Variants in GLIS3 observed in about 807,000 individuals in gnomAD.
GLIS3 encodes the protein GLIS family zinc finger 3.
Under a neutral mutation model 78.6 loss-of-function variants are expected in GLIS3, and 53 were observed. The ratio of observed to expected loss-of-function variants is 0.67; its 90% CI spans 0.54 to 0.85. The LOEUF is 0.85. Among genes scored for constraint, GLIS3 ranks in the 40% least tolerant of loss-of-function variants. GLIS3 has a pLI of 0.00. For missense variants in GLIS3, 1,703 were observed against 1,231.1 expected, an observed-to-expected ratio of 1.38 and a Z score of -5.74; for synonymous variants, 684 against 509.9, an observed-to-expected ratio of 1.34 and a Z score of -4.60.
chr9:4,247,759 CTAAAT>C (rs141271425), intron 2 of GLIS3, among the ~76,000 whole-genome samples: 4,108 of 152,196 alleles, frequency 0.027, 174 homozygotes, highest in African/African-American at 0.094. Flanking sequence ...AACCGAAAAA[CTAAAT>C]TAAGAGAAGT....
At chr9:4,281,810 G>A (rs922724542) in intron 2 of GLIS3, among the ~76,000 whole-genome samples, 39 of 152,182 alleles carry the variant, frequency 2.6e-4, no homozygotes, top group Non-Finnish European at 2.4e-4. Context: ...GCAACTTACT[G>A]TTAAAACTGT....
the GLIS3 span, among the ~76,000 whole-genome samples, chr9:4,476,975 T>C: frequency 4.6e-5 from 7 of 152,114 alleles, no homozygotes; most frequent in Non-Finnish European, 8.8e-5. Context: ...GGATGTAAGA[T>C]GGTACACCTG....
intron 2 of GLIS3, among the ~76,000 whole-genome samples, chr9:4,320,027 G>GCA (rs1563931558): frequency 3.5e-5 from 2 of 57,132 alleles, no homozygotes; most frequent in Non-Finnish European, 1.1e-4. Context: ...GTGTGTGTGC[G>GCA]CGCGCACAAG....
chr9:4,337,293 A>C lies in GLIS3; in HGVS notation n.264+9788T>G, dbSNP rs1329329170. On this transcript the variant is annotated intron_variant and non_coding_transcript_variant, in intron 2 of 4. Transcript: ENST00000471664. ...TCACCAAAGTGTTAATTATTGTAAC[A>C]AAGCTGGAAATAACATAAATGTCTA... 2.6e-5 allele frequency among the ~76,000 whole-genome samples: 4 copies of C among 152,272 alleles called. No individual in the cohort carries two copies. In the East Asian group the frequency reaches 7.7e-4, roughly 29 times the overall value.
intron 4 of GLIS3, among the ~76,000 whole-genome samples, chr9:3,957,838 C>T (rs192387796): frequency 9.2e-5 from 14 of 152,196 alleles, no homozygotes; most frequent in East Asian, 5.8e-4. Flanking sequence ...AGACAAACAC[C>T]GTAGATATTG....
At chr9:3,864,509 C>T (rs1242537517) in intron 8 of GLIS3, among the ~76,000 whole-genome samples, 1 of 152,208 alleles carries the variant, frequency 6.6e-6, no homozygotes, top group African/African-American at 2.4e-5. Context: ...TGAGAACCAA[C>T]TTTAAACGCA....
At chr9:3,860,785 A>G (rs1425102506) in intron 8 of GLIS3, among the ~76,000 whole-genome samples, 3 of 152,216 alleles carry the variant, frequency 2.0e-5, no homozygotes, top group Admixed American at 6.5e-5. Context: ...TCTAAAGTCC[A>G]TGGTGACATT....
chr9:4,053,431 T>C (rs1385282838), intron 4 of GLIS3, among the ~76,000 whole-genome samples: 3 of 152,062 alleles, frequency 2.0e-5, no homozygotes, highest in Non-Finnish European at 2.9e-5. Context: ...ATTGTTTCAA[T>C]CTCTTCACAG....
chr9:3,882,693 T>A (rs1821813933), intron 7 of GLIS3, among the ~76,000 whole-genome samples: 1 of 152,126 alleles, frequency 6.6e-6, no homozygotes, highest in African/African-American at 2.4e-5. Context: ...ATGCTATGGC[T>A]GGTGAAGGGG....
chr9:4,094,248 C>A (rs1829764588), intron 4 of GLIS3, among the ~76,000 whole-genome samples: 1 of 152,156 alleles, frequency 6.6e-6, no homozygotes, highest in African/African-American at 2.4e-5. Flanking sequence ...TCTTACCTAC[C>A]AGATTAGTAA....
At chr9:4,136,296 C>A (rs1304233491) in intron 2 of GLIS3, among the ~76,000 whole-genome samples, 1 of 152,156 alleles carries the variant, frequency 6.6e-6, no homozygotes, top group African/African-American at 2.4e-5. Context: ...AGGAGGAGGG[C>A]AATCCCTTTG....
chr9:4,299,239 C>T (rs1173720190), intron 1 of GLIS3, among the ~76,000 whole-genome samples, 182 bp downstream of exon 1: 2 of 152,190 alleles, frequency 1.3e-5, no homozygotes, highest in Non-Finnish European at 2.9e-5. Flanking sequence ...TCTCAGTGAC[C>T]TGTGACGCCG....
intron 2 of GLIS3, among the ~76,000 whole-genome samples, chr9:4,185,290 T>C (rs1254133393): frequency 6.6e-6 from 1 of 152,238 alleles, no homozygotes; most frequent in African/African-American, 2.4e-5. Context: ...TTAAAATTCA[T>C]TATTTTTTAT....
At chr9:4,399,934 T>A in the GLIS3 span, among the ~76,000 whole-genome samples, 1 of 152,142 alleles carries the variant, frequency 6.6e-6, no homozygotes, top group Non-Finnish European at 1.5e-5. Flanking sequence ...CTACGTGGTC[T>A]TTTCAATACA....
chr9:4,180,097 T>G (rs1326492877), intron 2 of GLIS3, among the ~76,000 whole-genome samples: 1 of 152,070 alleles, frequency 6.6e-6, no homozygotes, highest in Admixed American at 6.5e-5. Flanking sequence ...TGGTTACCTA[T>G]GTCAAGGCTG....
chr9:4,420,228 G>A, the GLIS3 span, among the ~76,000 whole-genome samples: 1 of 152,188 alleles, frequency 6.6e-6, no homozygotes, highest in Non-Finnish European at 1.5e-5. Flanking sequence ...AGAGGAAGAT[G>A]CAATTTGAGA....
chr9:4,448,824 TA>T, the GLIS3 span, among the ~76,000 whole-genome samples: 1 of 152,082 alleles, frequency 6.6e-6, no homozygotes, highest in Admixed American at 6.5e-5. Flanking sequence ...TTTGTTTGCT[TA>T]AAAAAAGAAA....
chr9:4,368,899 A>C, the GLIS3 span, among the ~76,000 whole-genome samples: 2 of 152,150 alleles, frequency 1.3e-5, no homozygotes, highest in Non-Finnish European at 2.9e-5. Context: ...GTATTAAAAG[A>C]CCTCTTCAAA....
intron 9 of GLIS3, among the ~76,000 whole-genome samples, chr9:3,836,467 G>A (rs1278355296): frequency 2.6e-5 from 4 of 152,280 alleles, no homozygotes. Context: ...CTCAAACCAG[G>A]ACCCCAAGGA....
Sources: allele counts gnomAD v4.1 joint callset (sites outside exome capture counted in the v4.1 genomes callset), GRCh38; gene constraint gnomAD v4.1.1; transcripts MANE v1.5; gene names NCBI Gene and HGNC (gene_info 2026-07-23, HGNC 2026-07-21).